UNC79: variants seen among roughly 807,000 people sequenced by gnomAD.
UNC79 encodes unc-79 subunit of NALCN channel complex, also known as protein unc-79 homolog.
A neutral mutation model predicts 283.1 loss-of-function variants in UNC79; 37 were observed. The observed-to-expected ratio is 0.13, with a 90% CI of 0.10 to 0.17. The LOEUF is 0.17. Among genes scored for constraint, UNC79 ranks in the 10% least tolerant of loss-of-function variants. UNC79 has a pLI of 1.00. For missense variants in UNC79, 2,272 were observed against 3,211.1 expected, an observed-to-expected ratio of 0.71 and a Z score of 7.07; for synonymous variants, 1,107 against 1,200.2, an observed-to-expected ratio of 0.92 and a Z score of 1.61.
chr14:93,495,176 C>T (rs2058960781), intron 5 of UNC79, among the ~76,000 whole-genome samples: 1 of 152,196 alleles, frequency 6.6e-6, no homozygotes, highest in African/African-American at 2.4e-5. Context: ...TCCGTTTTTA[C>T]ACTGCTATAA....
intron 1 of UNC79, among the ~76,000 whole-genome samples, chr14:93,445,005 T>C (rs926318778): frequency 9.2e-5 from 14 of 152,214 alleles, no homozygotes; most frequent in African/African-American, 3.4e-4. Context: ...AATTCTCTTT[T>C]GCAATATTTG....
At chr14:93,550,685 C>T (rs1309537897) in intron 14 of UNC79, among the ~76,000 whole-genome samples, 1 of 152,044 alleles carries the variant, frequency 6.6e-6, no homozygotes, top group Non-Finnish European at 1.5e-5. Flanking sequence ...GACTCAGGTC[C>T]CATAATCACA....
In UNC79 at chr14:93,690,646, A is replaced by T. The variant is rs767963600; in HGVS notation, c.7272+343A>T. 26 of 237,384 alleles carry T rather than the reference A, an allele frequency of 1.1e-4. No individual in the cohort carries two copies. Among genetic ancestry groups the T allele is most frequent in the Non-Finnish European group, 1.8e-4 (22 of 123,224 alleles). The allele number at this position is 237,384 out of a possible 1,614,324, so 14.7% of individuals were successfully genotyped here. ...GTGATCAGTTTTTAAAACCAGAGAC[A>T]AAACAAAGGAAAATTCATTCTCTAT... is the stretch of plus-strand genomic sequence containing the variant. On this transcript the variant is annotated intron_variant, in intron 45 of 48. Transcript: ENST00000555664. This position sits in a 1 kb window ranked among gnomAD's most constrained non-coding sequence, Gnocchi z 4.3.
chr14:93,487,795 A>G (rs1184379932), intron 5 of UNC79, 40 bp downstream of exon 5: 3 of 1,572,484 alleles, frequency 1.9e-6, no homozygotes, highest in Non-Finnish European at 2.6e-6. Flanking sequence ...TTCTAGTACC[A>G]ATAATTAAAC....
intron 41 of UNC79, among the ~76,000 whole-genome samples, chr14:93,675,596 T>C (rs1027657185): frequency 1.3e-5 from 2 of 152,192 alleles, no homozygotes; most frequent in African/African-American, 2.4e-5. Context: ...GTAGAGAAGA[T>C]GAGGAACAAC....
At chr14:93,371,269 C>T (rs2054439052) in intron 1 of UNC79, among the ~76,000 whole-genome samples, 1 of 151,908 alleles carries the variant, frequency 6.6e-6, no homozygotes, top group South Asian at 2.1e-4. Context: ...TTCCTGAAGT[C>T]CCAGCTACTC....
intron 17 of UNC79, among the ~76,000 whole-genome samples, 164 bp from the exon 18 acceptor site, chr14:93,577,676 TTA>T (rs1447029988): frequency 1.3e-5 from 2 of 152,168 alleles, no homozygotes; most frequent in Admixed American, 1.3e-4. Context: ...TTTCTTGTTT[TTA>T]TATATTGAGA....
intron 7 of UNC79, among the ~76,000 whole-genome samples, chr14:93,519,719 TA>T (rs1184317696): frequency 2.6e-5 from 4 of 151,772 alleles, no homozygotes; most frequent in African/African-American, 9.7e-5. Flanking sequence ...ACACCATCTT[TA>T]AAAAATTGCT....
chr14:93,679,965 A>G (rs1448291414), intron 41 of UNC79, among the ~76,000 whole-genome samples: 6 of 152,236 alleles, frequency 3.9e-5, no homozygotes, highest in African/African-American at 9.6e-5. Flanking sequence ...AAACAAAGAC[A>G]GAAAGGTTTA....
intron 1 of UNC79, among the ~76,000 whole-genome samples, chr14:93,406,955 T>C (rs992343845): frequency 6.6e-6 from 1 of 152,184 alleles, no homozygotes; most frequent in African/African-American, 2.4e-5. Flanking sequence ...ATGGAAGCCC[T>C]AGATAGTCTA....
chr14:93,515,889 T>C (rs2060030924), intron 7 of UNC79, among the ~76,000 whole-genome samples: 1 of 151,156 alleles, frequency 6.6e-6, no homozygotes, highest in South Asian at 2.1e-4. Flanking sequence ...AAATTTATCT[T>C]TTTTTTTTCT....
intron 34 of UNC79, among the ~76,000 whole-genome samples, chr14:93,644,478 G>A (rs2140242547): frequency 6.6e-6 from 1 of 152,276 alleles, no homozygotes; most frequent in Admixed American, 6.5e-5. Context: ...CAGAGCTCTT[G>A]GCCTCAGGTA....
chr14:93,573,728 C>A (rs566726695), intron 16 of UNC79, among the ~76,000 whole-genome samples: 1 of 152,310 alleles, frequency 6.6e-6, no homozygotes, highest in African/African-American at 2.4e-5. Context: ...AAAATTTGGA[C>A]CAGCTCGGTA....
At chr14:93,360,941 C>T (rs1349972947) in intron 1 of UNC79, among the ~76,000 whole-genome samples, 1 of 152,050 alleles carries the variant, frequency 6.6e-6, no homozygotes, top group Non-Finnish European at 1.5e-5. Flanking sequence ...AGGCTGGGTG[C>T]GGCAGCTCAT....
chr14:93,555,922 C>CAA (rs2062149150), intron 14 of UNC79, among the ~76,000 whole-genome samples: 1 of 152,126 alleles, frequency 6.6e-6, no homozygotes, highest in African/African-American at 2.4e-5. Context: ...GATACCCTTA[C>CAA]ATGTGGAGAT....
At chr14:93,365,649 A>G (rs1306406163) in intron 1 of UNC79, among the ~76,000 whole-genome samples, 2 of 152,200 alleles carry the variant, frequency 1.3e-5, no homozygotes, top group Non-Finnish European at 2.9e-5. Context: ...TGCGCTAAAT[A>G]TCAGAGTGAT....
At chr14:93,469,473 T>C (rs1170838750) in intron 2 of UNC79, among the ~76,000 whole-genome samples, 1 of 152,212 alleles carries the variant, frequency 6.6e-6, no homozygotes, top group Admixed American at 6.5e-5. Flanking sequence ...TTCTTCATTT[T>C]ATTTATGCTA....
intron 31 of UNC79, among the ~76,000 whole-genome samples, chr14:93,635,530 G>A (rs904867291): frequency 6.6e-6 from 1 of 152,088 alleles, no homozygotes; most frequent in Non-Finnish European, 1.5e-5. Flanking sequence ...TGATGACTAT[G>A]AATTATAATA....
chr14:93,540,713 G>A lies in UNC79; in HGVS notation c.1406G>A (p.Arg469Gln), dbSNP rs1009730401. 3.7e-5 allele frequency: 60 copies of A among 1,613,716 alleles called. No individual in the cohort carries two copies. In the Admixed American group the frequency reaches 4.8e-4, roughly 13 times the overall value. ...GAGCAGCGAGAACATGAGCTGAACC[G>A]GCGGCGGCAGCTGGGCCTCTCCTCT... The change falls in exon 13 of 49, where the codon CGG becomes CAG. Residue 469 changes from arginine to glutamine, a missense_variant. Arg to Gln is a conservative substitution (Grantham distance 43). This residue lies in a region of UNC79 where 142 missense variants were observed against 230.7 expected (regional missense o/e 0.62). Transcript: ENST00000555664.
Sources: gnomAD v4.1 joint callset for allele counts (sites outside exome capture counted in the v4.1 genomes callset) on GRCh38, gnomAD v4.1.1 for gene constraint, gnomAD v4.1.1 regional missense constraint, Gnocchi (gnomAD v3.1) non-coding constraint, MANE v1.5 for transcripts, NCBI Gene and HGNC (gene_info 2026-07-23, HGNC 2026-07-21) for gene names.